PHRF1: variants seen among roughly 807,000 people sequenced by gnomAD.
The protein encoded by PHRF1 is PHD and RING finger domain-containing protein 1.
Under a neutral mutation model 128.9 loss-of-function variants are expected in PHRF1, and 53 were observed. The ratio of observed to expected loss-of-function variants is 0.41; its 90% CI spans 0.33 to 0.52. The LOEUF (loss-of-function observed/expected upper bound fraction) is 0.52. PHRF1 is among the 20% of genes least tolerant of loss of function. PHRF1 has a pLI of 0.21. For missense variants in PHRF1, 2,503 were observed against 2,284.5 expected, an observed-to-expected ratio of 1.10 and a Z score of -1.95; for synonymous variants, 1,178 against 980.6, an observed-to-expected ratio of 1.20 and a Z score of -3.76.
rs762388707 is a variant in PHRF1 at position 608,730 on chromosome 11, C to A, written c.3274C>A (p.Arg1092=). ...CCACAGCCGGAGGACGTCCCGGTCG[C>A]GGTCGGGGAGCCCTGGCAGCTCTTC... is the stretch of plus-strand genomic sequence containing the variant. ...WGHSRRTSRS[R]SGSPGSSSYE... Residue 1092 remains arginine, a synonymous_variant, in exon 14 of 18, where the codon CGG becomes AGG. Coordinates refer to ENST00000264555, the MANE Select transcript of PHRF1 (RefSeq NM_001286581.2). 2 of 1,611,246 alleles carry A rather than the reference C, an allele frequency of 1.2e-6. No individual in the cohort carries two copies. The highest frequency in any genetic ancestry group is 1.7e-6 in the Non-Finnish European group (2 of 1,179,438).
chr11:607,050 C>G lies in PHRF1; in HGVS notation c.1610-16C>G. On this transcript the variant is annotated splice_polypyrimidine_tract_variant and intron_variant, in intron 13 of 17. Coordinates refer to ENST00000264555, the MANE Select transcript of PHRF1 (RefSeq NM_001286581.2). ...GTGGGTGGGAAATGATTGCCATTGA[C>G]TTTTTTGTTTTTTAGCTCCAGTTTC... is the stretch of plus-strand genomic sequence containing the variant. 1.9e-6 allele frequency: 3 copies of G among 1,545,090 alleles called. No individual in the cohort carries two copies. The highest frequency in any genetic ancestry group is 2.6e-6 in the Non-Finnish European group (3 of 1,145,788).
intron 13 of PHRF1, 155 bp from the exon 14 acceptor site, chr11:606,911 C>T (rs1267482483): frequency 7.1e-6 from 9 of 1,263,606 alleles, no homozygotes; most frequent in Non-Finnish European, 9.6e-6. Context: ...TGAAGCAGCT[C>T]TCCGGGTGTG....
chr11:587,384 G>T lies in PHRF1; in HGVS notation c.340G>T (p.Ala114Ser), dbSNP rs141010415. ...DAESCPICLN[A>S]FRDQAVGTPE... Reference sequence around the variant, plus strand: ...AGAGAGCTGCCCAATCTGTCTCAACGCATTCAGAGACCAGGCCGTGGGGAC... The same window carrying T: ...AGAGAGCTGCCCAATCTGTCTCAACTCATTCAGAGACCAGGCCGTGGGGAC... Residue 114 changes from alanine (A) to serine (S), a missense_variant, in exon 4 of 18, where the codon GCA becomes TCA. Ala to Ser is a moderately conservative substitution (Grantham distance 99). Transcript: ENST00000264555. 1.6e-5 allele frequency: 26 copies of T among 1,613,880 alleles called. No individual in the cohort carries two copies. The African/African-American group carries it at 1.9e-4, about 12-fold the overall frequency.
In PHRF1 at chr11:607,601, T is replaced by G; in HGVS notation, c.2145T>G (p.Thr715=). 1 of 1,612,166 alleles carries G rather than the reference T, an allele frequency of 6.2e-7. No homozygotes were observed. The highest frequency in any genetic ancestry group is 8.5e-7 in the Non-Finnish European group (1 of 1,179,760). Residue 715 remains threonine, a synonymous_variant, in exon 14 of 18, where the codon ACT becomes ACG. Transcript: ENST00000264555. ...CCAGTGCCTGCATCAGCCGACTGAC[T>G]GGCAGGGAGGGCACCGGGCAGCCAG... ...EIPSACISRL[T]GREGTGQPGR...
At chr11:587,943 A>G (rs1346941893) in intron 4 of PHRF1, among the ~76,000 whole-genome samples, 2 of 152,220 alleles carry the variant, frequency 1.3e-5, no homozygotes, top group African/African-American at 4.8e-5. Context: ...TGTATTTTAT[A>G]TTTCAAAATG....
intron 3 of PHRF1, among the ~76,000 whole-genome samples, chr11:585,887 A>T (rs1269588706): frequency 2.0e-5 from 3 of 151,396 alleles, no homozygotes; most frequent in Non-Finnish European, 2.9e-5. Flanking sequence ...TTTGAGACGG[A>T]GTCTTGCTCT....
At chr11:588,203 T>A (rs140512737) in intron 4 of PHRF1, among the ~76,000 whole-genome samples, 3 of 152,222 alleles carry the variant, frequency 2.0e-5, no homozygotes, top group Non-Finnish European at 4.4e-5. Context: ...CTGTTCTGTT[T>A]CACTGAGTAG....
At chr11:601,061 G>A (rs1564856274) in intron 9 of PHRF1, among the ~76,000 whole-genome samples, 1 of 152,250 alleles carries the variant, frequency 6.6e-6, no homozygotes, top group East Asian at 1.9e-4. Context: ...TGAGGCAGGA[G>A]AATCGCTTGA....
chr11:579,850 C>G (rs976009349), intron 1 of PHRF1, among the ~76,000 whole-genome samples: 18 of 152,218 alleles, frequency 1.2e-4, no homozygotes, highest in Admixed American at 1.1e-3. Context: ...ATCTTAGAAT[C>G]TAGGGTTTTG....
At chr11:576,672 C>G (rs1853845989) in intron 1 of PHRF1, 80 bp downstream of exon 1, 1 of 148,140 alleles carries the variant, frequency 6.8e-6, no homozygotes, top group Admixed American at 6.7e-5. Flanking sequence ...CGCGCTTTGT[C>G]TGCGGCCTGC....
At chr11:589,537 G>A (rs1395314493) in intron 4 of PHRF1, among the ~76,000 whole-genome samples, 1 of 151,108 alleles carries the variant, frequency 6.6e-6, no homozygotes, top group African/African-American at 2.4e-5. Flanking sequence ...CCAGTCCCAG[G>A]GGTTTTGCAG....
At position 597,623 on chromosome 11, in the gene PHRF1, TCTC is replaced by T. The variant is rs1258462966; in HGVS notation, c.894+54_894+56del. The T allele has an allele frequency of 6.8e-7, 1 of 1,477,876 alleles. No homozygotes were observed. Among genetic ancestry groups the T allele is most frequent in the East Asian group, 2.5e-5 (1 of 39,818 alleles). The allele number at this position is 1,477,876 out of a possible 1,614,324, so 91.5% of individuals were successfully genotyped here. A position where few individuals can be genotyped will look rare whatever the true frequency, so the allele number is the denominator to read the frequency against. On this transcript the variant is annotated intron_variant, in intron 8 of 17. Transcript: ENST00000264555. This position sits in a 1 kb window ranked among gnomAD's most constrained non-coding sequence, Gnocchi z 6.5. Reference sequence around the variant, plus strand: ...GTAGAACCCCAGCTGCCCAGAGTGATCTCGGCAGTCTGGGTGGGTGGGAGGGGC... The same window carrying T: ...GTAGAACCCCAGCTGCCCAGAGTGATGGCAGTCTGGGTGGGTGGGAGGGGC...
At position 607,238 on chromosome 11, in the gene PHRF1, C is replaced by A; in HGVS notation, c.1782C>A (p.Arg594=). ...SCQGRSRTPA[R]TAGAPVRLDL... ...AAGGCAGGTCCCGCACCCCCGCCCG[C>A]ACCGCGGGGGCGCCTGTGAGGCTGG... The change falls in exon 14 of 18, where the codon CGC becomes CGA. Residue 594 remains arginine, a synonymous_variant. Transcript: ENST00000264555. 1 of 1,612,432 alleles carries A rather than the reference C, an allele frequency of 6.2e-7. No individual in the cohort carries two copies. The highest frequency in any genetic ancestry group is 8.5e-7 in the Non-Finnish European group (1 of 1,179,760).
rs1176579250 is a variant in PHRF1, at chr11:598,482, C to T, written c.1004C>T (p.Ala335Val). The T allele has an allele frequency of 1.9e-6, 3 of 1,609,592 alleles. No individual in the cohort carries two copies. Among genetic ancestry groups the T allele is most frequent in the African/African-American group, 2.7e-5 (2 of 75,030 alleles). ...YQRPLTPRTP[A>V]RRKRKTRRRK... ...CGCCCCCTGACGCCGCGCACTCCCG[C>T]CCGACGGAAGAGGAAGACAAGTAAG... Residue 335 changes from alanine to valine, a missense_variant, in exon 9 of 18, where the codon GCC (alanine) becomes GTC (valine). Physicochemically the swap from Ala to Val is moderately conservative, Grantham distance 64. Transcript: ENST00000264555.
rs202241158 is a variant in PHRF1, at chr11:609,365, C to T, written c.3909C>T (p.Phe1303=). The T allele has an allele frequency of 6.2e-6, 10 of 1,612,158 alleles. No individual in the cohort carries two copies. The Admixed American group carries it at 1.7e-4, about 27-fold the overall frequency. The part of the protein sequence containing the change: ...ESTDSSPERD[F]PLKPALPPAS... ...CAGACTCTTCCCCGGAGCGAGACTT[C>T]CCACTGAAGCCTGCGTTGCCCCCAG... The change falls in exon 14 of 18, where the codon TTC becomes TTT. Residue 1303 remains phenylalanine, a synonymous_variant. Coordinates refer to ENST00000264555, the MANE Select transcript of PHRF1 (RefSeq NM_001286581.2).
Position 584,538 on chromosome 11 carries a change from A to G in PHRF1, c.214+2457A>G, listed in dbSNP as rs565572973. Reference sequence around the variant, plus strand: ...TGGGGAGAGGCTTCTGGAGAATCCAAGCTGCCACCTGAGGGGCAGGAGGAG... The same window carrying G: ...TGGGGAGAGGCTTCTGGAGAATCCAGGCTGCCACCTGAGGGGCAGGAGGAG... On this transcript the variant is annotated intron_variant, in intron 3 of 17. Coordinates refer to ENST00000264555, the MANE Select transcript of PHRF1 (RefSeq NM_001286581.2). 6.6e-5 allele frequency among the ~76,000 whole-genome samples: 10 copies of G among 152,148 alleles called. No homozygotes were observed. The East Asian group carries it at 9.7e-4, about 15-fold the overall frequency.
chr11:589,425 A>G (rs1028204647), intron 4 of PHRF1, among the ~76,000 whole-genome samples: 4 of 152,206 alleles, frequency 2.6e-5, no homozygotes, highest in Non-Finnish European at 4.4e-5. Context: ...GGAAGGCACC[A>G]AGAATTGCCA....
At chr11:599,563 G>A (rs962233316) in intron 9 of PHRF1, among the ~76,000 whole-genome samples, 3 of 152,072 alleles carry the variant, frequency 2.0e-5, no homozygotes, top group African/African-American at 4.8e-5. Flanking sequence ...TGAAGCGTAC[G>A]TGCTTTTTAT....
At chr11:605,471 T>C in intron 11 of PHRF1, 134 bp from the exon 12 acceptor site, 2 of 1,487,978 alleles carry the variant, frequency 1.3e-6, no homozygotes, top group South Asian at 2.6e-5. Context: ...CTCAGAGGTC[T>C]GGTTCGGGGC....
Sources: allele counts gnomAD v4.1 joint callset (sites outside exome capture counted in the v4.1 genomes callset), GRCh38; gene constraint gnomAD v4.1.1; non-coding constraint Gnocchi (gnomAD v3.1); transcripts MANE v1.5; gene names NCBI Gene and HGNC (gene_info 2026-07-23, HGNC 2026-07-21).